LIPA: variants seen among roughly 807,000 people sequenced by gnomAD.
LIPA encodes lipase A, lysosomal acid type.
LIPA carries 26 observed loss-of-function variants against 40.6 expected under a neutral mutation model. The ratio of observed to expected loss-of-function variants is 0.64; its 90% CI spans 0.47 to 0.89. LIPA has a LOEUF of 0.89. Among genes scored for constraint, LIPA ranks in the 40% least tolerant of loss-of-function variants. The pLI is 0.00. For synonymous variants in LIPA, 188 were observed against 168.4 expected (o/e 1.12, Z -0.90); for missense variants, 455 against 479.6 (o/e 0.95, Z 0.48).
chr10:89,352,788 T>TAAAAAAAA (rs34514402), intron 2 of LIPA, among the ~76,000 whole-genome samples: 4 of 113,132 alleles, frequency 3.5e-5, no homozygotes, highest in Admixed American at 8.9e-5. Context: ...ACTACAAAGA[T>TAAAAAAAA]AAAAAAAAAA....
chr10:89,245,669 C>T lies in LIPA; in HGVS notation c.229+7G>A, dbSNP rs1220714299. The T allele has an allele frequency of 1.4e-6, 2 of 1,417,446 alleles. No homozygotes were observed. Among genetic ancestry groups the T allele is most frequent in the Non-Finnish European group, 2.0e-6 (2 of 1,001,110 alleles). 87.8% of individuals were successfully genotyped at this position (1,417,446 alleles called of 1,614,324 possible). A position where few individuals can be genotyped will look rare whatever the true frequency, so the allele number is the denominator to read the frequency against. Reference sequence around the variant, plus strand: ...TCTGGTTTTTACTTTTAAGAGCCTTCCCATACCTTTGTCAGAATGGTTCTT... The same window carrying T: ...TCTGGTTTTTACTTTTAAGAGCCTTTCCATACCTTTGTCAGAATGGTTCTT... On this transcript the variant is annotated splice_region_variant and intron_variant, in intron 3 of 9. Transcript: ENST00000336233.
chr10:89,315,284 T>G (rs1843535774), intron 1 of LIPA, among the ~76,000 whole-genome samples: 2 of 152,252 alleles, frequency 1.3e-5, no homozygotes, highest in Non-Finnish European at 2.9e-5. Context: ...CACTTTATTA[T>G]CACCAAGATA....
intron 2 of LIPA, among the ~76,000 whole-genome samples, chr10:89,382,724 T>C (rs915390051): frequency 6.6e-5 from 10 of 152,242 alleles, no homozygotes; most frequent in African/African-American, 1.9e-4. Context: ...TTGGAACCCC[T>C]CCATTTAGGA....
At chr10:89,401,588 C>T (rs1844424309) in intron 2 of LIPA, among the ~76,000 whole-genome samples, 1 of 151,868 alleles carries the variant, frequency 6.6e-6, no homozygotes, top group African/African-American at 2.4e-5. Flanking sequence ...AAGTGGTGGT[C>T]TCATAGGCTT....
intron 1 of LIPA, chr10:89,339,067 C>T: frequency 3.1e-6 from 5 of 1,614,036 alleles, no homozygotes; most frequent in Non-Finnish European, 3.4e-6. Context: ...GTATTCTGAA[C>T]TTGACTGTGA....
chr10:89,364,894 G>A (rs1844046763), intron 2 of LIPA, among the ~76,000 whole-genome samples: 1 of 152,134 alleles, frequency 6.6e-6, no homozygotes. Context: ...CTAAGAAGCT[G>A]TGAATTTACA....
At position 89,213,636 on chromosome 10, in the gene LIPA, T is replaced by C. The variant is rs894644925; in HGVS notation, c.*1192A>G. The stretch of plus-strand genomic sequence containing the variant: ...TAAGACTTTAAAAGTTACAAAGTAG[T>C]ATTCGCCCTGCCTATATTAACCATT... On this transcript the variant is annotated 3_prime_UTR_variant, in exon 10 of 10. Transcript: ENST00000336233. 2 of 152,302 alleles carry C rather than the reference T, an allele frequency of 1.3e-5. No individual in the cohort carries two copies. Among genetic ancestry groups the C allele is most frequent in the Non-Finnish European group, 2.9e-5 (2 of 68,084 alleles). The allele number at this position is 152,302 out of a possible 1,614,324, so 9.4% of individuals were successfully genotyped here. A position where few individuals can be genotyped will look rare whatever the true frequency, so the allele number is the denominator to read the frequency against.
At chr10:89,320,108 A>G (rs1027382147) in intron 1 of LIPA, among the ~76,000 whole-genome samples, 4 of 152,176 alleles carry the variant, frequency 2.6e-5, no homozygotes, top group Admixed American at 2.0e-4. Context: ...CACAGCCAAT[A>G]TCATACTGAA....
chr10:89,324,158 T>C (rs1036414361), intron 1 of LIPA, among the ~76,000 whole-genome samples: 1 of 152,072 alleles, frequency 6.6e-6, no homozygotes, highest in Non-Finnish European at 1.5e-5. Context: ...CCAAAATGCA[T>C]GGTACTGGTA....
chr10:89,383,321 A>G, intron 2 of LIPA: 5 of 1,608,628 alleles, frequency 3.1e-6, no homozygotes, highest in Non-Finnish European at 4.2e-6. Context: ...TTTTACAGTG[A>G]AGAATCTGAT....
At chr10:89,253,749 A>G (rs1330714110), upstream of LIPA, among the ~76,000 whole-genome samples, 5 of 152,226 alleles carry the variant, frequency 3.3e-5, no homozygotes, top group African/African-American at 1.2e-4. Flanking sequence ...GTAAAATCAA[A>G]AGCAAGTTAG....
intron 1 of LIPA, chr10:89,412,954 C>T: frequency 8.8e-6 from 2 of 226,422 alleles, no homozygotes; most frequent in South Asian, 4.2e-5. Flanking sequence ...CACACCATCA[C>T]CTACGTATTA....
intron 2 of LIPA, chr10:89,403,336 G>A (rs1324130826): frequency 1.2e-6 from 2 of 1,612,948 alleles, no homozygotes; most frequent in East Asian, 2.2e-5. Context: ...ATAGAAGCAG[G>A]CAATCACAGA....
chr10:89,372,293 C>G (rs1844096175), intron 2 of LIPA, among the ~76,000 whole-genome samples: 1 of 152,178 alleles, frequency 6.6e-6, no homozygotes, highest in African/African-American at 2.4e-5. Context: ...CCACAGGGAC[C>G]CTTTGGGGTC....
chr10:89,395,725 T>C (rs895727917), intron 2 of LIPA, among the ~76,000 whole-genome samples: 1 of 152,126 alleles, frequency 6.6e-6, no homozygotes, highest in Non-Finnish European at 1.5e-5. Flanking sequence ...GAAAGGCACA[T>C]TGTAAATATC....
intron 1 of LIPA, among the ~76,000 whole-genome samples, chr10:89,272,264 G>T (rs1267906106): frequency 6.6e-6 from 1 of 151,592 alleles, no homozygotes; most frequent in African/African-American, 2.4e-5. Flanking sequence ...CTGCCCTCCA[G>T]TAAGCTCCAA....
intron 6 of LIPA, 54 bp downstream of exon 6, chr10:89,225,038 G>C: frequency 2.5e-6 from 4 of 1,598,144 alleles, no homozygotes; most frequent in South Asian, 2.2e-5. Flanking sequence ...CATTTCTTCA[G>C]ATCTCAGGAG....
chr10:89,377,607 C>T (rs904787106), intron 2 of LIPA, among the ~76,000 whole-genome samples: 1 of 152,200 alleles, frequency 6.6e-6, no homozygotes, highest in African/African-American at 2.4e-5. Context: ...CATTCTTCCA[C>T]AAATTGACAA....
chr10:89,413,628 ATAG>A (rs1311302393), intron 1 of LIPA, among the ~76,000 whole-genome samples: 1 of 152,090 alleles, frequency 6.6e-6, no homozygotes, highest in Non-Finnish European at 1.5e-5. Flanking sequence ...TTAGCCCGAC[ATAG>A]TGGTGCACGC....
Sources: allele counts gnomAD v4.1 joint callset (sites outside exome capture counted in the v4.1 genomes callset), GRCh38; gene constraint gnomAD v4.1.1; transcripts MANE v1.5; gene names NCBI Gene and HGNC (gene_info 2026-07-23, HGNC 2026-07-21).